ASIC2: variants seen among roughly 807,000 people sequenced by gnomAD.
ASIC2 encodes acid sensing ion channel subunit 2, also known as acid-sensing ion channel 2.
ASIC2 carries 25 observed loss-of-function variants against 57.3 expected under a neutral mutation model. The observed-to-expected ratio is 0.44, with a 90% CI of 0.32 to 0.61. The LOEUF is 0.61. ASIC2 is among the 20% of genes least tolerant of loss of function. The probability of loss-of-function intolerance (pLI) is 0.06; values close to 1 mark genes in which losing one functional copy is unlikely to be tolerated. For missense variants in ASIC2, 641 were observed against 738.1 expected, an observed-to-expected ratio of 0.87 and a Z score of 1.52; for synonymous variants, 319 against 307.5, an observed-to-expected ratio of 1.04 and a Z score of -0.39.
intron 1 of ASIC2, among the ~76,000 whole-genome samples, chr17:33,683,400 C>A (rs1908072024): frequency 6.6e-6 from 1 of 152,162 alleles, no homozygotes; most frequent in Admixed American, 6.5e-5. Context: ...AAGACAAGTT[C>A]TTGCTCTGTC....
At chr17:33,194,929 A>C (rs974630577) in intron 1 of ASIC2, among the ~76,000 whole-genome samples, 6 of 152,198 alleles carry the variant, frequency 3.9e-5, no homozygotes, top group African/African-American at 1.4e-4. Context: ...GGGGAAAGAC[A>C]ACAAGTTTAA....
At chr17:33,579,186 T>G (rs1916771557) in intron 1 of ASIC2, among the ~76,000 whole-genome samples, 1 of 150,294 alleles carries the variant, frequency 6.7e-6, no homozygotes, top group South Asian at 2.1e-4. Context: ...CTTGAGAGGC[T>G]GAGGCAGGAG....
intron 1 of ASIC2, among the ~76,000 whole-genome samples, chr17:33,899,310 CG>C (rs1915181593): frequency 6.6e-6 from 1 of 152,126 alleles, no homozygotes; most frequent in Admixed American, 6.5e-5. Flanking sequence ...GAAGCTGAAC[CG>C]TGGGGTGGAC....
intron 2 of ASIC2, among the ~76,000 whole-genome samples, chr17:33,105,217 C>T (rs376024719): frequency 4.6e-5 from 7 of 152,126 alleles, no homozygotes; most frequent in East Asian, 3.9e-4. Flanking sequence ...ATAATCCCCA[C>T]GTGTCAAGGA....
At chr17:33,947,556 A>G (rs577220255) in intron 1 of ASIC2, among the ~76,000 whole-genome samples, 6 of 152,282 alleles carry the variant, frequency 3.9e-5, no homozygotes, top group African/African-American at 1.4e-4. Flanking sequence ...AAAACAGAGA[A>G]ATGGAGAAGG....
At chr17:33,902,421 A>G (rs1915248544) in intron 1 of ASIC2, among the ~76,000 whole-genome samples, 1 of 152,254 alleles carries the variant, frequency 6.6e-6, no homozygotes, top group Non-Finnish European at 1.5e-5. Flanking sequence ...ACATCTTCCC[A>G]TTTAGCTAAT....
intron 1 of ASIC2, among the ~76,000 whole-genome samples, chr17:34,016,135 C>T (rs1906944556): frequency 6.6e-6 from 1 of 152,294 alleles, no homozygotes; most frequent in Non-Finnish European, 1.5e-5. Flanking sequence ...AACAATGCAA[C>T]TGCCCATGGC....
In ASIC2 at chr17:34,055,026, A is replaced by G. The variant is rs190896700; in HGVS notation, c.555+100952T>C. 1.1e-3 allele frequency among the ~76,000 whole-genome samples: 173 copies of G among 152,286 alleles called. 5 individuals carry two copies. Among genetic ancestry groups the G allele is most frequent in the African/African-American group, 3.6e-3 (151 of 41,570 alleles). On this transcript the variant is annotated intron_variant, in intron 1 of 9. Transcript: ENST00000359872. ...ATCCAAAGGCCCTGCATTTGGAAAAATCTTGGCATACTTAGCTACCTCTCA... is the reference window on the plus strand; with the variant it reads ...ATCCAAAGGCCCTGCATTTGGAAAAGTCTTGGCATACTTAGCTACCTCTCA...
chr17:33,355,846 T>A (rs982461415), intron 1 of ASIC2, among the ~76,000 whole-genome samples: 11 of 152,168 alleles, frequency 7.2e-5, no homozygotes, highest in African/African-American at 2.4e-4. Context: ...CGAGGCAAAG[T>A]TTCTTGTTTG....
chr17:34,073,270 T>C (rs1234450915), intron 1 of ASIC2, among the ~76,000 whole-genome samples: 3 of 152,156 alleles, frequency 2.0e-5, no homozygotes, highest in Admixed American at 6.5e-5. Context: ...AAAGCAGCCA[T>C]AGACAATACA....
intron 2 of ASIC2, among the ~76,000 whole-genome samples, chr17:33,107,513 C>G (rs2092239726): frequency 1.3e-5 from 2 of 152,182 alleles, no homozygotes; most frequent in Non-Finnish European, 2.9e-5. Flanking sequence ...GGCATACTCT[C>G]TAGGACCACA....
chr17:33,992,754 A>G (rs1415453495), intron 1 of ASIC2, among the ~76,000 whole-genome samples: 2 of 152,216 alleles, frequency 1.3e-5, no homozygotes, highest in Non-Finnish European at 1.5e-5. Flanking sequence ...GTTGTTAAAT[A>G]TTCACCAACA....
At chr17:33,288,732 AC>A (rs1905296071) in intron 1 of ASIC2, among the ~76,000 whole-genome samples, 1 of 94,398 alleles carries the variant, frequency 1.1e-5, no homozygotes, top group Non-Finnish European at 2.2e-5. Context: ...ACACACACAC[AC>A]ACACACACAC....
At chr17:33,406,574 T>C (rs1567850795) in intron 1 of ASIC2, among the ~76,000 whole-genome samples, 1 of 152,216 alleles carries the variant, frequency 6.6e-6, no homozygotes, top group Non-Finnish European at 1.5e-5. Flanking sequence ...TGTTTCTGTT[T>C]CCTTGATTAT....
chr17:33,377,767 T>A (rs1281391857), intron 1 of ASIC2, among the ~76,000 whole-genome samples: 1 of 152,218 alleles, frequency 6.6e-6, no homozygotes, highest in African/African-American at 2.4e-5. Flanking sequence ...CCTCTGACCT[T>A]CATCTCCTGT....
intron 1 of ASIC2, among the ~76,000 whole-genome samples, chr17:34,030,366 T>C (rs1392344297): frequency 6.6e-6 from 1 of 152,150 alleles, no homozygotes. Flanking sequence ...ACCATCCGAA[T>C]GTTTGAGGAG....
chr17:33,263,526 C>T lies in ASIC2; in HGVS notation c.708+27882G>A, dbSNP rs566830750. Among the ~76,000 whole-genome samples, 12 of 152,342 alleles carry T rather than the reference C, an allele frequency of 7.9e-5. No individual in the cohort carries two copies. In the East Asian group the frequency reaches 2.3e-3, roughly 29 times the overall value. On this transcript the variant is annotated intron_variant, in intron 1 of 9. Coordinates refer to ENST00000225823, the MANE Select transcript of ASIC2 (RefSeq NM_183377.2). Reference sequence around the variant, plus strand: ...ATCCATATATAGCAGCTGCTCCTCCCACTAGGTGCTTCTGACAAACCCTGA... The same window carrying T: ...ATCCATATATAGCAGCTGCTCCTCCTACTAGGTGCTTCTGACAAACCCTGA...
intron 1 of ASIC2, among the ~76,000 whole-genome samples, chr17:33,349,916 T>C (rs1047658959): frequency 1.4e-5 from 2 of 142,948 alleles, no homozygotes; most frequent in African/African-American, 4.9e-5. Context: ...AAGAACAATT[T>C]ATGAAAAAAA....
At chr17:33,014,874 C>T (rs745963499) in intron 9 of ASIC2, among the ~76,000 whole-genome samples, 42 of 152,168 alleles carry the variant, frequency 2.8e-4, no homozygotes, top group Non-Finnish European at 5.4e-4. Flanking sequence ...ACTGCTTTGC[C>T]GGCAGGATCT....
Sources: gnomAD v4.1 joint callset for allele counts (sites outside exome capture counted in the v4.1 genomes callset) on GRCh38, gnomAD v4.1.1 for gene constraint, MANE v1.5 for transcripts, NCBI Gene and HGNC (gene_info 2026-07-23, HGNC 2026-07-21) for gene names.